COX19: variants seen among roughly 807,000 people sequenced by gnomAD.
COX19 encodes cytochrome c oxidase assembly factor COX19.
COX19 carries 8 observed loss-of-function variants against 6.8 expected under a neutral mutation model. The observed-to-expected ratio is 1.18, with a 90% CI of 0.69 to 2.12. COX19 has a LOEUF of 2.12. COX19 is among the 30% of genes most tolerant of loss of function. The pLI is 0.00. For synonymous variants in COX19, 51 were observed against 38.0 expected (o/e 1.34, Z -1.26); for missense variants, 131 against 104.6 (o/e 1.25, Z -1.10).
In COX19 at chr7:967,724, CT is replaced by C; in HGVS notation, c.*1653del. The C allele has an allele frequency of 6.6e-6, 1 of 152,468 alleles. No individual in the cohort carries two copies. Among genetic ancestry groups the C allele is most frequent in the Non-Finnish European group, 1.5e-5 (1 of 68,100 alleles). 9.4% of individuals were successfully genotyped at this position (152,468 alleles called of 1,614,324 possible). ...AGCCAGAACTCCACCCCCAGGGGTG[CT>C]CGGAGGGGCTCGCGGCCGGCTATGC... On this transcript the variant is annotated 3_prime_UTR_variant, in exon 3 of 3. Transcript: ENST00000344111.
chr7:975,197 G>A (rs1012525181), intron 1 of COX19: 1 of 429,576 alleles, frequency 2.3e-6, no homozygotes, highest in Non-Finnish European at 4.1e-6. Context: ...CCTGACGCAA[G>A]GAGTCGGTGT....
intron 1 of COX19, 24 bp from the exon 2 acceptor site, chr7:973,316 T>A: frequency 6.4e-7 from 1 of 1,553,730 alleles, no homozygotes; most frequent in South Asian, 1.2e-5. Context: ...GAAAACAGCA[T>A]GTTCTTTTCA....
At position 965,700 on chromosome 7, in the gene COX19, G is replaced by T. The variant is rs540388683; in HGVS notation, c.*3678C>A. On this transcript the variant is annotated 3_prime_UTR_variant, in exon 3 of 3. Transcript: ENST00000344111. Reference sequence around the variant, plus strand: ...CTGTCGCCCAGGCTGGAGTGTGGTGGCACAATCCCTGCTCACTGCAACCTC... The same window carrying T: ...CTGTCGCCCAGGCTGGAGTGTGGTGTCACAATCCCTGCTCACTGCAACCTC... 6.6e-6 allele frequency among the ~76,000 whole-genome samples: 1 copy of T among 152,312 alleles called. No individual in the cohort carries two copies. The highest frequency in any genetic ancestry group is 1.9e-4 in the East Asian group (1 of 5,190).
rs1460884692 is a variant in COX19, at chr7:965,921, G to C, written c.*3457C>G. ...CCCAAAGTGTTGGGATTATAGGCGT[G>C]AGCCACTGGCGCCCGGCCCGCTGAG... is the stretch of plus-strand genomic sequence containing the variant. On this transcript the variant is annotated 3_prime_UTR_variant, in exon 3 of 3. Coordinates refer to ENST00000344111, the MANE Select transcript of COX19 (RefSeq NM_001031617.3). Among the ~76,000 whole-genome samples the C allele has an allele frequency of 6.6e-6, 1 of 152,202 alleles. No individual in the cohort carries two copies. The highest frequency in any genetic ancestry group is 1.5e-5 in the Non-Finnish European group (1 of 68,036).
At chr7:972,935 A>T (rs1186947666) in intron 2 of COX19, 2 of 264,298 alleles carry the variant, frequency 7.6e-6, no homozygotes, top group Non-Finnish European at 1.4e-5. Context: ...TGGAAAGAAA[A>T]TGCTCTCAGG....
Position 973,198 on chromosome 7 carries a change from T to G in COX19, c.177A>C (p.Leu59Phe), listed in dbSNP as rs751575892. ...ALCRKESKEY[L>F]ECRMERKLML... ...GTACTCACCTCTCCATCCTGCATTC[T>G]AAATATTCTTTTGATTCCTTTCTGC... The change falls in exon 2 of 3, where the codon TTA (leucine) becomes TTC (phenylalanine). Residue 59 changes from leucine (L) to phenylalanine (F), a missense_variant. By Grantham distance (22) the Leu-to-Phe change is conservative. Coordinates refer to ENST00000344111, the MANE Select transcript of COX19 (RefSeq NM_001031617.3). 3.6e-5 allele frequency: 58 copies of G among 1,599,480 alleles called. No individual in the cohort carries two copies. Among genetic ancestry groups the G allele is most frequent in the Non-Finnish European group, 4.3e-5 (51 of 1,173,684 alleles).
At chr7:969,693 T>C in intron 2 of COX19, among the ~76,000 whole-genome samples, 1 of 151,964 alleles carries the variant, frequency 6.6e-6, no homozygotes, top group Admixed American at 6.5e-5. Context: ...CTGGGGCCTC[T>C]TGGGATGTCC....
chr7:972,107 A>G (rs1005783825), intron 2 of COX19, among the ~76,000 whole-genome samples: 9 of 152,176 alleles, frequency 5.9e-5, no homozygotes, highest in Non-Finnish European at 7.3e-5. Flanking sequence ...TGGCAGCGCC[A>G]TGGAGAAATT....
At chr7:973,413 G>T in intron 1 of COX19, 121 bp from the exon 2 acceptor site, 1 of 1,272,648 alleles carries the variant, frequency 7.9e-7, no homozygotes, top group South Asian at 1.7e-5. Flanking sequence ...CGGGCGCAGT[G>T]GTTCACACCT....
Position 973,280 on chromosome 7 carries a change from C to G in COX19, c.95G>C (p.Ser32Thr). The change falls in exon 2 of 3, where the codon AGC becomes ACC. Residue 32 changes from serine to threonine, a missense_variant. By Grantham distance (58) the Ser-to-Thr change is moderately conservative (BLOSUM62 1). Transcript: ENST00000344111. ...FPLDHLGECK[S>T]FKEKFMKCLH... ...ACACTTCATGAATTTCTCTTTAAAGCTTTTACATTCACCTAGAACGAGAAA... is the reference window on the plus strand; with the variant it reads ...ACACTTCATGAATTTCTCTTTAAAGGTTTTACATTCACCTAGAACGAGAAA... 6.3e-7 allele frequency: 1 copy of G among 1,592,032 alleles called. No homozygotes were observed. Among genetic ancestry groups the G allele is most frequent in the Non-Finnish European group, 8.5e-7 (1 of 1,171,218 alleles).
chr7:969,956 ATTTTTTTTTT>A (rs58481554), intron 2 of COX19, among the ~76,000 whole-genome samples: 6 of 117,558 alleles, frequency 5.1e-5, no homozygotes, highest in South Asian at 2.8e-4. Context: ...GTTATCTGAT[ATTTTTTTTTT>A]TTTTTTTTTT....
chr7:975,394 G>A (rs758805227), intron 1 of COX19, 34 bp downstream of exon 1: 19 of 1,525,658 alleles, frequency 1.2e-5, no homozygotes, highest in African/African-American at 2.8e-5. Flanking sequence ...ACCCCCCATC[G>A]CAGACCCCTG....
chr7:969,205 G>A lies in COX19; in HGVS notation c.*173C>T, dbSNP rs1847601399. Reference sequence around the variant, plus strand: ...TTCAATGCAGAAACACCCTCCTAAGGGAAAACGGGACGCCACTCCCTACCC... The same window carrying A: ...TTCAATGCAGAAACACCCTCCTAAGAGAAAACGGGACGCCACTCCCTACCC... On this transcript the variant is annotated 3_prime_UTR_variant, in exon 3 of 3. Transcript: ENST00000344111. 1.6e-5 allele frequency: 10 copies of A among 630,490 alleles called. No individual in the cohort carries two copies. The East Asian group carries it at 2.6e-4, about 17-fold the overall frequency. The allele number at this position is 630,490 out of a possible 1,614,324, so 39.1% of individuals were successfully genotyped here.
At chr7:970,922 G>A (rs1289278834) in intron 2 of COX19, among the ~76,000 whole-genome samples, 3 of 152,106 alleles carry the variant, frequency 2.0e-5, no homozygotes, top group East Asian at 3.9e-4. Context: ...TCTTAGAGGC[G>A]TGAAATTCAC....
chr7:975,135 G>A (rs1336334987), intron 1 of COX19: 1 of 366,288 alleles, frequency 2.7e-6, no homozygotes, highest in South Asian at 6.4e-5. Flanking sequence ...CTGCAAACCC[G>A]GGGCACAGAC....
chr7:974,134 T>C (rs1583204467), intron 1 of COX19, among the ~76,000 whole-genome samples: 1 of 131,600 alleles, frequency 7.6e-6, no homozygotes, highest in Non-Finnish European at 1.6e-5. Context: ...GAGGAGGAGG[T>C]TGCAGTGAGT....
rs539525627 is a variant in COX19, at chr7:967,247, G to A, written c.*2131C>T. The A allele has an allele frequency of 2.0e-5, 3 of 152,172 alleles. No homozygotes were observed. The highest frequency in any genetic ancestry group is 4.4e-5 in the Non-Finnish European group (3 of 68,036). The allele number at this position is 152,172 out of a possible 1,614,324, so 9.4% of individuals were successfully genotyped here. On this transcript the variant is annotated 3_prime_UTR_variant, in exon 3 of 3. Coordinates refer to ENST00000344111, the MANE Select transcript of COX19 (RefSeq NM_001031617.3). ...GCCTGGACAGGATTCGGGACTATCC[G>A]CGGCTTCGGCACCTGCTGGGGTCTC...
Position 965,604 on chromosome 7 carries a change from G to A in COX19, c.*3774C>T, listed in dbSNP as rs1255510174. Among the ~76,000 whole-genome samples, 1 of 152,216 alleles carries A rather than the reference G, an allele frequency of 6.6e-6. No individual in the cohort carries two copies. Among genetic ancestry groups the A allele is most frequent in the African/African-American group, 2.4e-5 (1 of 41,456 alleles). On this transcript the variant is annotated 3_prime_UTR_variant, in exon 3 of 3. Coordinates refer to ENST00000344111, the MANE Select transcript of COX19 (RefSeq NM_001031617.3). ...TCTCAAGGGGAGGTTTCTCAAGACAGCAGACACCTGCTTCACACCACACGT... is the reference window on the plus strand; with the variant it reads ...TCTCAAGGGGAGGTTTCTCAAGACAACAGACACCTGCTTCACACCACACGT...
In COX19 at chr7:973,176, C is replaced by A. The variant is rs766694393; in HGVS notation, c.194+5G>T. On this transcript the variant is annotated splice_donor_5th_base_variant and intron_variant, in intron 2 of 2. Transcript: ENST00000344111. ...GTGGAAATCATAACGCTTAGCTGTA[C>A]TCACCTCTCCATCCTGCATTCTAAA... is the stretch of plus-strand genomic sequence containing the variant. 6.4e-7 allele frequency: 1 copy of A among 1,572,710 alleles called. No homozygotes were observed.
Sources: allele counts gnomAD v4.1 joint callset (sites outside exome capture counted in the v4.1 genomes callset), GRCh38; gene constraint gnomAD v4.1.1; transcripts MANE v1.5; gene names NCBI Gene and HGNC (gene_info 2026-07-23, HGNC 2026-07-21).